The following TULP3 variants were observed in gnomAD, a reference collection of about 807,000 sequenced individuals.
TULP3 encodes the protein TUB like protein 3, also known as tubby-related protein 3.
A neutral mutation model predicts 50.7 loss-of-function variants in TULP3; 38 were observed. The observed-to-expected ratio is 0.75, with a 90% CI of 0.58 to 0.98. The LOEUF is 0.98. TULP3 is among the 50% of genes least tolerant of loss of function. The pLI, the probability that TULP3 is intolerant of heterozygous loss-of-function variation, is 0.00. For synonymous variants in TULP3, 183 were observed against 196.6 expected (o/e 0.93, Z 0.58); for missense variants, 550 against 568.0 (o/e 0.97, Z 0.32).
At chr12:2,896,259 C>T (rs1328089722) in intron 1 of TULP3, among the ~76,000 whole-genome samples, 1 of 152,174 alleles carries the variant, frequency 6.6e-6, no homozygotes, top group African/African-American at 2.4e-5. Flanking sequence ...GTGTTATCAT[C>T]TTAGGGGACC....
At chr12:2,931,467 G>A (rs932297554) in intron 6 of TULP3, among the ~76,000 whole-genome samples, 1 of 152,210 alleles carries the variant, frequency 6.6e-6, no homozygotes, top group Non-Finnish European at 1.5e-5. Flanking sequence ...TCCACGAAGT[G>A]GGAAAATGGA....
At position 2,931,212 on chromosome 12, in the gene TULP3, T is replaced by C; in HGVS notation, c.668T>C (p.Met223Thr). The C allele has an allele frequency of 6.2e-7, 1 of 1,614,026 alleles. No individual in the cohort carries two copies. The highest frequency in any genetic ancestry group is 8.5e-7 in the Non-Finnish European group (1 of 1,180,016). The change falls in exon 6 of 11, where the codon ATG becomes ACG. Residue 223 changes from methionine to threonine, a missense_variant. Transcript: ENST00000448120. The stretch of plus-strand genomic sequence containing the variant: ...CGGGGTCTCTTCCCCACCTACTATA[T>C]GTACTTGGAAAAAGAAGAAAATCAG... ...MDRGLFPTYY[M>T]YLEKEENQKI...
intron 2 of TULP3, among the ~76,000 whole-genome samples, chr12:2,910,629 T>C (rs1014685822): frequency 6.6e-5 from 10 of 152,348 alleles, no homozygotes; most frequent in Admixed American, 1.3e-4. Flanking sequence ...ACAGTCAAGA[T>C]GTCTGGATTC....
intron 3 of TULP3, 39 bp from the exon 4 acceptor site, chr12:2,922,223 T>C: frequency 1.2e-6 from 2 of 1,601,678 alleles, no homozygotes; most frequent in Middle Eastern, 1.7e-4. Flanking sequence ...GAATAATACT[T>C]TGCTCCTTTT....
chr12:2,900,787 G>C (rs554637735), intron 1 of TULP3, among the ~76,000 whole-genome samples: 1 of 150,526 alleles, frequency 6.6e-6, no homozygotes, highest in Admixed American at 6.7e-5. Context: ...GCGGTGTGAC[G>C]ATAGCTCAAC....
In TULP3 at chr12:2,909,529, T is replaced by G; in HGVS notation, c.42T>G (p.Ser14Arg). 1 of 1,573,734 alleles carries G rather than the reference T, an allele frequency of 6.4e-7. No homozygotes were observed. The highest frequency in any genetic ancestry group is 8.6e-7 in the Non-Finnish European group (1 of 1,168,694). Residue 14 changes from serine (S) to arginine (R), a missense_variant and splice_region_variant, in exon 2 of 11, where the codon AGT (serine) becomes AGG (arginine). Ser to Arg is a moderately radical substitution (Grantham distance 110). Coordinates refer to ENST00000448120, the MANE Select transcript of TULP3 (RefSeq NM_003324.5). Reference protein sequence around the residue: ...SRCRLSPSGDSVFHEEMMKMR... With the variant: ...SRCRLSPSGDRVFHEEMMKMR... ...GCTTTATTTTTTTTTTTTTTAACAGTGTCTTCCATGAAGAAATGATGAAGA... is the reference window on the plus strand; with the variant it reads ...GCTTTATTTTTTTTTTTTTTAACAGGGTCTTCCATGAAGAAATGATGAAGA...
At chr12:2,904,105 A>G (rs921747972) in intron 1 of TULP3, among the ~76,000 whole-genome samples, 6 of 152,158 alleles carry the variant, frequency 3.9e-5, no homozygotes, top group Admixed American at 6.6e-5. Flanking sequence ...TTATATAACC[A>G]TAGCCACATT....
intron 8 of TULP3, among the ~76,000 whole-genome samples, chr12:2,937,324 C>A (rs1293478155): frequency 6.6e-5 from 9 of 135,760 alleles, no homozygotes; most frequent in African/African-American, 1.1e-4. Flanking sequence ...TCAAGCAATT[C>A]TCCTGCCTCA....
At chr12:2,917,660 G>A (rs910621635) in intron 2 of TULP3, among the ~76,000 whole-genome samples, 3 of 151,948 alleles carry the variant, frequency 2.0e-5, no homozygotes, top group Non-Finnish European at 2.9e-5. Context: ...GGCGGATCAT[G>A]AGGTCAGGAG....
intron 1 of TULP3, among the ~76,000 whole-genome samples, chr12:2,898,754 A>C (rs2098177042): frequency 6.6e-6 from 1 of 152,048 alleles, no homozygotes; most frequent in Admixed American, 6.6e-5. Flanking sequence ...GTCGTAGCCC[A>C]CAACAGCCTT....
rs533579829 is a variant in TULP3, at chr12:2,899,116, C to T, written c.41+8128C>T. On this transcript the variant is annotated intron_variant, in intron 1 of 10. Transcript: ENST00000448120. ...ATCCCAGCACTTTGAGAGGCTCATG[C>T]GGGTGGGTCACCTGAGGTCAGGAGT... Among the ~76,000 whole-genome samples the T allele has an allele frequency of 9.1e-3, 1,385 of 151,526 alleles. 15 individuals are homozygous for T. The highest frequency in any genetic ancestry group is 0.034 in the South Asian group (161 of 4,802).
intron 7 of TULP3, among the ~76,000 whole-genome samples, chr12:2,934,148 T>A (rs771775897): frequency 2.6e-5 from 4 of 151,836 alleles, no homozygotes; most frequent in Non-Finnish European, 4.4e-5. Context: ...CCCAGGAGGC[T>A]AAGGTGGGAG....
chr12:2,909,320 T>C (rs2098184106), intron 1 of TULP3, among the ~76,000 whole-genome samples: 1 of 152,178 alleles, frequency 6.6e-6, no homozygotes, highest in South Asian at 2.1e-4. Context: ...TTGGAGTATT[T>C]CAGTCTCCTC....
chr12:2,910,795 G>A (rs970908793), intron 2 of TULP3, among the ~76,000 whole-genome samples: 7 of 152,106 alleles, frequency 4.6e-5, no homozygotes, highest in African/African-American at 1.7e-4. Context: ...AGAAAATTCT[G>A]TTACACACAC....
chr12:2,925,249 A>G (rs975063172), intron 4 of TULP3, among the ~76,000 whole-genome samples: 8 of 152,092 alleles, frequency 5.3e-5, no homozygotes, highest in African/African-American at 1.7e-4. Context: ...GCTGTGGAAA[A>G]ATTACTGTGT....
At chr12:2,924,326 G>A (rs1415671313) in intron 4 of TULP3, among the ~76,000 whole-genome samples, 1 of 152,144 alleles carries the variant, frequency 6.6e-6, no homozygotes, top group Non-Finnish European at 1.5e-5. Context: ...GGAGAGGGAA[G>A]TGGGCTCTAA....
rs2098204374 is a variant in TULP3 at position 2,940,800 on chromosome 12, G to A, written c.*1356G>A. 4.5e-6 allele frequency: 6 copies of A among 1,342,734 alleles called. No homozygotes were observed. Among genetic ancestry groups the A allele is most frequent in the East Asian group, 2.5e-5 (1 of 39,364 alleles). The allele number at this position is 1,342,734 out of a possible 1,614,324, so 83.2% of individuals were successfully genotyped here. ...CAAGTCCCACCTGCTGGGTGAGGAC[G>A]AGACTGTTTCCATCTCAGGCATGTA... is the stretch of plus-strand genomic sequence containing the variant. On this transcript the variant is annotated 3_prime_UTR_variant, in exon 11 of 11. Transcript: ENST00000448120.
rs564622214 is a variant in TULP3 at position 2,890,924 on chromosome 12, G to T, written c.-24G>T. ...GACGGCGGGGAAGAGTGTGTACGTG[G>T]TGGGGGCTTCCTCGGTGGCGGGCAT... is the stretch of plus-strand genomic sequence containing the variant. On this transcript the variant is annotated 5_prime_UTR_variant, in exon 1 of 11. Transcript: ENST00000448120. 2.8e-5 allele frequency: 44 copies of T among 1,591,426 alleles called. No homozygotes were observed. The highest frequency in any genetic ancestry group is 2.7e-5 in the African/African-American group (2 of 74,058).
chr12:2,911,498 G>A (rs957133200), intron 2 of TULP3, among the ~76,000 whole-genome samples: 21 of 150,442 alleles, frequency 1.4e-4, no homozygotes, highest in East Asian at 3.9e-4. Flanking sequence ...GACTACAGGC[G>A]CCTGCCACCA....
Sources: gnomAD v4.1 joint callset for allele counts (sites outside exome capture counted in the v4.1 genomes callset) on GRCh38, gnomAD v4.1.1 for gene constraint, MANE v1.5 for transcripts, NCBI Gene and HGNC (gene_info 2026-07-23, HGNC 2026-07-21) for gene names.